Variants in MEGF11 observed in about 807,000 individuals in gnomAD.
MEGF11 encodes the protein multiple epidermal growth factor-like domains protein 11.
A neutral mutation model predicts 146.6 loss-of-function variants in MEGF11; 126 were observed. That is an observed-to-expected ratio of 0.86 (90% CI 0.74 to 1.00). The LOEUF (loss-of-function observed/expected upper bound fraction) is 1.00. MEGF11 is among the 50% of genes least tolerant of loss of function. MEGF11 has a pLI of 0.00. For synonymous variants in MEGF11, 532 were observed against 583.4 expected (o/e 0.91, Z 1.27); for missense variants, 1,509 against 1,521.2 (o/e 0.99, Z 0.13).
intron 5 of MEGF11, among the ~76,000 whole-genome samples, chr15:66,031,256 G>A (rs575485586): frequency 1.1e-4 from 16 of 152,282 alleles, no homozygotes; most frequent in East Asian, 1.9e-4. Flanking sequence ...GCCCCAGTGC[G>A]TGTTCCTCGA....
intron 5 of MEGF11, among the ~76,000 whole-genome samples, chr15:66,057,678 G>T (rs1375898677): frequency 6.6e-6 from 1 of 151,974 alleles, no homozygotes; most frequent in Non-Finnish European, 1.5e-5. Context: ...TACCTTTATA[G>T]GAGGGGTGGA....
chr15:66,179,497 A>T (rs1293649991), intron 1 of MEGF11, among the ~76,000 whole-genome samples: 1 of 151,960 alleles, frequency 6.6e-6, no homozygotes, highest in Non-Finnish European at 1.5e-5. Context: ...GCCCAAAGCA[A>T]CTCGCAGACC....
At chr15:66,097,053 C>G (rs1320354610) in intron 4 of MEGF11, among the ~76,000 whole-genome samples, 1 of 152,230 alleles carries the variant, frequency 6.6e-6, no homozygotes, top group East Asian at 1.9e-4. Flanking sequence ...GGTCATCCCA[C>G]AGTCCCTTAG....
intron 4 of MEGF11, among the ~76,000 whole-genome samples, chr15:66,098,227 G>A (rs1176036642): frequency 1.3e-5 from 2 of 152,158 alleles, no homozygotes; most frequent in African/African-American, 4.8e-5. Flanking sequence ...ACCAAGCAAA[G>A]GTGTGTGTGC....
chr15:65,909,901 A>G, intron 21 of MEGF11, 95 bp from the exon 22 acceptor site: 1 of 1,125,558 alleles, frequency 8.9e-7, no homozygotes. Context: ...ACACCCTGTA[A>G]TAATCCTGAC....
chr15:66,175,915 C>A (rs1359569594), intron 1 of MEGF11, among the ~76,000 whole-genome samples: 1 of 152,150 alleles, frequency 6.6e-6, no homozygotes, highest in Non-Finnish European at 1.5e-5. Context: ...GCAAAATATT[C>A]ATGGGACAAG....
At chr15:66,247,439 G>A (rs1186325668) in intron 1 of MEGF11, among the ~76,000 whole-genome samples, 1 of 152,186 alleles carries the variant, frequency 6.6e-6, no homozygotes, top group Non-Finnish European at 1.5e-5. Flanking sequence ...CACAGGAGGT[G>A]AAAAACAGGG....
intron 10 of MEGF11, among the ~76,000 whole-genome samples, chr15:65,952,411 C>G (rs150707386): frequency 1.3e-5 from 2 of 152,168 alleles, no homozygotes; most frequent in Non-Finnish European, 2.9e-5. Flanking sequence ...ATCCACAATT[C>G]AGCTAATTCC....
At position 65,950,483 on chromosome 15, in the gene MEGF11, T is replaced by G. The variant is rs1016778360; in HGVS notation, c.1287+7064A>C. Among the ~76,000 whole-genome samples, 3 of 151,470 alleles carry G rather than the reference T, an allele frequency of 2.0e-5. No individual in the cohort carries two copies. In the South Asian group the frequency reaches 6.3e-4, roughly 32 times the overall value. On this transcript the variant is annotated intron_variant, in intron 10 of 25. Transcript: ENST00000395614. ...GACCCAGCTACTTGGGAGGTTGAGGTGGGAGGATCGCCTGAGCCCAGAGAG... is the reference window on the plus strand; with the variant it reads ...GACCCAGCTACTTGGGAGGTTGAGGGGGGAGGATCGCCTGAGCCCAGAGAG...
chr15:66,149,247 A>G (rs115467718), intron 1 of MEGF11, among the ~76,000 whole-genome samples: 403 of 152,314 alleles, frequency 2.6e-3, no homozygotes, highest in African/African-American at 9.3e-3. Flanking sequence ...AAAGCCACAT[A>G]GAGGAAAAGT....
In MEGF11 at chr15:66,123,910, G is replaced by T; in HGVS notation, c.189C>A (p.Cys63Ter). 2 of 1,613,314 alleles carry T rather than the reference G, an allele frequency of 1.2e-6. No homozygotes were observed. Among genetic ancestry groups the T allele is most frequent in the Non-Finnish European group, 1.7e-6 (2 of 1,179,234 alleles). Reference protein sequence around the residue: ...RCTDILNWFKCTRHRISYKTA... With the variant: ...RCTDILNWFK ...AGAGAGGTACTCACCGGTGCCTGGT[G>T]CACTTGAACCAGTTGAGGATGTCTG... is the stretch of plus-strand genomic sequence containing the variant. The change falls in exon 3 of 26, where the codon TGC (cysteine) becomes TGA (stop). Residue 63 changes from cysteine (C) to a stop codon, truncating the protein, a stop_gained. Coordinates refer to ENST00000395614, the MANE Select transcript of MEGF11 (RefSeq NM_001385028.1). LOFTEE classifies it high-confidence loss of function.
chr15:66,231,243 A>C (rs2091961567), intron 1 of MEGF11, among the ~76,000 whole-genome samples: 1 of 151,920 alleles, frequency 6.6e-6, no homozygotes, highest in African/African-American at 2.4e-5. Flanking sequence ...CCATCCCCCA[A>C]GGCAGGACTT....
intron 1 of MEGF11, among the ~76,000 whole-genome samples, chr15:66,198,406 C>T (rs531094542): frequency 1.2e-3 from 186 of 152,358 alleles, no homozygotes; most frequent in African/African-American, 4.2e-3. Context: ...TGTTTCCTAC[C>T]TTGGTACTTC....
At chr15:66,183,269 A>T (rs183463936) in intron 1 of MEGF11, among the ~76,000 whole-genome samples, 34 of 152,166 alleles carry the variant, frequency 2.2e-4, no homozygotes, top group East Asian at 1.9e-3. Flanking sequence ...GGAGGCTGAG[A>T]TGGGAGGATC....
intron 4 of MEGF11, among the ~76,000 whole-genome samples, chr15:66,104,033 A>G (rs1327468946): frequency 3.3e-5 from 5 of 152,204 alleles, no homozygotes; most frequent in Non-Finnish European, 5.9e-5. Flanking sequence ...ACATGTAGAG[A>G]GTGAAATGCA....
chr15:65,938,451 C>A (rs1194628893), intron 10 of MEGF11, among the ~76,000 whole-genome samples: 1 of 152,220 alleles, frequency 6.6e-6, no homozygotes, highest in Admixed American at 6.5e-5. Context: ...TGGCCCTGAT[C>A]TTGAGGGAGT....
chr15:66,096,778 C>A (rs2086571766), intron 4 of MEGF11, among the ~76,000 whole-genome samples: 1 of 152,186 alleles, frequency 6.6e-6, no homozygotes, highest in Non-Finnish European at 1.5e-5. Flanking sequence ...ATCCTAGAGA[C>A]CCAGCCCATC....
chr15:65,962,121 T>TAAGATTAGAAGTCACAGAGTCATTC (rs1397187829), intron 9 of MEGF11, among the ~76,000 whole-genome samples: 1 of 152,154 alleles, frequency 6.6e-6, no homozygotes, highest in Non-Finnish European at 1.5e-5. Context: ...TTAACTGTCT[T>TAAGATTAGAAGTCACAGAGTCATTC]AAGATTAGAA....
In MEGF11 at chr15:66,094,441, G is replaced by T; in HGVS notation, c.355C>A (p.His119Asn). 1 of 1,563,748 alleles carries T rather than the reference G, an allele frequency of 6.4e-7. No homozygotes were observed. The highest frequency in any genetic ancestry group is 8.7e-7 in the Non-Finnish European group (1 of 1,153,512). Residue 119 changes from histidine (H) to asparagine (N), a missense_variant, in exon 5 of 26, where the codon CAC becomes AAC. Coordinates refer to ENST00000395614, the MANE Select transcript of MEGF11 (RefSeq NM_001385028.1). ...GGCCCTCCCCAGCCAGGCTCGCAGT[G>T]GCAGGTGTCCGGGGAAACGCAGCGG... Reference protein sequence around the residue: ...HGRCVSPDTCHCEPGWGGPDC... With the variant: ...HGRCVSPDTCNCEPGWGGPDC...
Sources: gnomAD v4.1 joint callset for allele counts (sites outside exome capture counted in the v4.1 genomes callset) on GRCh38, gnomAD v4.1.1 for gene constraint, MANE v1.5 for transcripts, NCBI Gene and HGNC (gene_info 2026-07-23, HGNC 2026-07-21) for gene names.